Variants in DCC observed in about 807,000 individuals in gnomAD.
DCC encodes the protein DCC netrin 1 receptor, also known as netrin receptor DCC.
DCC carries 58 observed loss-of-function variants against 172.5 expected under a neutral mutation model. The observed-to-expected ratio is 0.34, with a 90% confidence interval of 0.27 to 0.42. DCC has a LOEUF of 0.42. DCC is among the 10% of genes least tolerant of loss of function. The pLI is 1.00. For synonymous variants in DCC, 709 were observed against 644.5 expected, an observed-to-expected ratio of 1.10 and a Z score of -1.52; for missense variants, 1,740 against 1,791.0, an observed-to-expected ratio of 0.97 and a Z score of 0.51.
chr18:52,417,587 C>G (rs1987084820), intron 1 of DCC, among the ~76,000 whole-genome samples: 1 of 152,124 alleles, frequency 6.6e-6, no homozygotes, highest in Non-Finnish European at 1.5e-5. Flanking sequence ...ATTCTTTTGT[C>G]TCTAAACTTC....
chr18:53,132,332 G>A (rs2043669329), intron 7 of DCC, among the ~76,000 whole-genome samples: 1 of 152,042 alleles, frequency 6.6e-6, no homozygotes, highest in Non-Finnish European at 1.5e-5. Flanking sequence ...ATCCTGACTT[G>A]GAAAGAGTTG....
chr18:53,488,097 T>A (rs936899187), intron 26 of DCC, among the ~76,000 whole-genome samples: 5 of 152,242 alleles, frequency 3.3e-5, no homozygotes, highest in African/African-American at 1.2e-4. Flanking sequence ...ATTTCTTGTA[T>A]ATTCTCTGAC....
chr18:52,642,982 TTAAAC>T (rs778274247), intron 1 of DCC, among the ~76,000 whole-genome samples: 30 of 152,256 alleles, frequency 2.0e-4, no homozygotes, highest in Non-Finnish European at 3.8e-4. Context: ...AGAGCTTTCC[TTAAAC>T]TATTTTCCTT....
At chr18:52,417,321 A>T (rs1987073997) in intron 1 of DCC, among the ~76,000 whole-genome samples, 1 of 151,866 alleles carries the variant, frequency 6.6e-6, no homozygotes, top group South Asian at 2.1e-4. Flanking sequence ...CCTTCATTTC[A>T]ACTTTGGTGA....
intron 23 of DCC, among the ~76,000 whole-genome samples, chr18:53,453,218 T>A (rs191436288): frequency 2.3e-3 from 344 of 152,192 alleles, no homozygotes; most frequent in Non-Finnish European, 2.8e-3. Flanking sequence ...CCCGGCCCCT[T>A]ATAGTTTAGT....
intron 5 of DCC, among the ~76,000 whole-genome samples, chr18:52,942,128 A>C (rs1040586639): frequency 2.0e-5 from 3 of 152,140 alleles, no homozygotes; most frequent in African/African-American, 4.8e-5. Context: ...GGATTTTGCC[A>C]CTAATTATGT....
At chr18:52,539,620 C>A (rs2032383054) in intron 1 of DCC, among the ~76,000 whole-genome samples, 1 of 152,278 alleles carries the variant, frequency 6.6e-6, no homozygotes, top group South Asian at 2.1e-4. Flanking sequence ...TGAATCCATG[C>A]CCCCGGCCCA....
At chr18:53,197,419 GTTT>G (rs11427253) in intron 9 of DCC, among the ~76,000 whole-genome samples, 37 of 119,516 alleles carry the variant, frequency 3.1e-4, no homozygotes, top group African/African-American at 1.1e-3. Flanking sequence ...TTTTATTTTA[GTTT>G]TTTTTTTTTT....
intron 25 of DCC, among the ~76,000 whole-genome samples, chr18:53,478,901 G>A (rs1262952441): frequency 6.6e-6 from 1 of 152,174 alleles, no homozygotes. Context: ...ACATTGAGAG[G>A]GACTCGTCTG....
chr18:53,148,577 C>T (rs1275928646), intron 7 of DCC, among the ~76,000 whole-genome samples: 1 of 151,966 alleles, frequency 6.6e-6, no homozygotes, highest in Non-Finnish European at 1.5e-5. Flanking sequence ...TAAAGGTGGC[C>T]TCACAAAGCC....
At chr18:52,473,698 G>A (rs1468294717) in intron 1 of DCC, among the ~76,000 whole-genome samples, 2 of 152,110 alleles carry the variant, frequency 1.3e-5, no homozygotes, top group African/African-American at 2.4e-5. Context: ...CCCATGATTC[G>A]ATTATCTCCA....
At chr18:52,804,581 T>C (rs1190381947) in intron 2 of DCC, among the ~76,000 whole-genome samples, 2 of 152,136 alleles carry the variant, frequency 1.3e-5, no homozygotes, top group Non-Finnish European at 2.9e-5. Flanking sequence ...GTTTGTTTTG[T>C]TTTTGAGACG....
intron 2 of DCC, among the ~76,000 whole-genome samples, chr18:52,898,021 C>T (rs1300849339): frequency 6.6e-6 from 1 of 152,160 alleles, no homozygotes; most frequent in Non-Finnish European, 1.5e-5. Context: ...CTATTCTCTG[C>T]CTTTTGGCTA....
chr18:52,866,825 C>A (rs551266316), intron 2 of DCC, among the ~76,000 whole-genome samples: 1 of 152,296 alleles, frequency 6.6e-6, no homozygotes, highest in African/African-American at 2.4e-5. Flanking sequence ...ATGTCATCTG[C>A]AAACAGACAA....
chr18:53,386,942 A>T lies in DCC; in HGVS notation c.2455+804A>T, dbSNP rs75203408. ...TTGACTACTTCCCCAAACCCCTGCC[A>T]CAGACTTATGTCTGAAATCTCCAAG... On this transcript the variant is annotated intron_variant, in intron 16 of 28. Coordinates refer to ENST00000442544, the MANE Select transcript of DCC (RefSeq NM_005215.4). 1.2e-4 allele frequency among the ~76,000 whole-genome samples: 19 copies of T among 152,326 alleles called. No homozygotes were observed. In the East Asian group the frequency reaches 3.7e-3, roughly 29 times the overall value.
chr18:53,131,458 C>T (rs1258084153), intron 7 of DCC, among the ~76,000 whole-genome samples: 1 of 152,014 alleles, frequency 6.6e-6, no homozygotes, highest in African/African-American at 2.4e-5. Flanking sequence ...ATATTGGAAA[C>T]AAGAGGAAGG....
At chr18:53,063,233 A>G (rs892883350) in intron 5 of DCC, 72 bp from the exon 6 acceptor site, 3 of 1,380,032 alleles carry the variant, frequency 2.2e-6, no homozygotes, top group African/African-American at 2.9e-5. Flanking sequence ...TTTTAAACTC[A>G]GTGAAGACCT....
At chr18:53,221,478 T>G (rs1329132449) in intron 12 of DCC, among the ~76,000 whole-genome samples, 2 of 152,146 alleles carry the variant, frequency 1.3e-5, no homozygotes, top group Non-Finnish European at 2.9e-5. Flanking sequence ...CTTTCACATG[T>G]TTTCTTACCC....
chr18:52,727,516 C>T (rs1463069684), intron 1 of DCC, among the ~76,000 whole-genome samples: 4 of 152,178 alleles, frequency 2.6e-5, no homozygotes, highest in East Asian at 1.9e-4. Context: ...AAATGATCCA[C>T]ATTTGTAATA....
Sources: allele counts gnomAD v4.1 joint callset (sites outside exome capture counted in the v4.1 genomes callset), GRCh38; gene constraint gnomAD v4.1.1; transcripts MANE v1.5; gene names NCBI Gene and HGNC (gene_info 2026-07-23, HGNC 2026-07-21).